Variants in ACO1 observed in about 807,000 individuals in gnomAD.
The protein encoded by ACO1 is cytoplasmic aconitate hydratase.
A neutral mutation model predicts 105.1 loss-of-function variants in ACO1; 78 were observed. The observed-to-expected ratio is 0.74, with a 90% CI of 0.62 to 0.90. The LOEUF (loss-of-function observed/expected upper bound fraction) is 0.90, where lower values mean the gene tolerates loss of function less well. ACO1 is among the 40% of genes least tolerant of loss of function. The probability of loss-of-function intolerance (pLI) is 0.00; values close to 1 mark genes in which losing one functional copy is unlikely to be tolerated. For synonymous variants in ACO1, 364 were observed against 397.4 expected (o/e 0.92, Z 1.00); for missense variants, 965 against 1,111.1 (o/e 0.87, Z 1.87).
intron 18 of ACO1, among the ~76,000 whole-genome samples, 158 bp downstream of exon 18, chr9:32,436,555 T>C (rs1421060091): frequency 1.3e-5 from 2 of 152,230 alleles, no homozygotes; most frequent in Admixed American, 1.3e-4. Context: ...ATGCATAGAA[T>C]GTATCATTGA....
chr9:32,407,238 ATTTT>A lies in ACO1; in HGVS notation c.98-22_98-19del. On this transcript the variant is annotated intron_variant, in intron 2 of 20. Coordinates refer to ENST00000309951, the MANE Select transcript of ACO1 (RefSeq NM_002197.3). ...TTAAGTTGTCTCACAGGTTTTGTTT[ATTTT>A]GTCATCCTTAACTCTTAGGGCGCTT... 1 of 1,611,174 alleles carries A rather than the reference ATTTT, an allele frequency of 6.2e-7. No individual in the cohort carries two copies. The highest frequency in any genetic ancestry group is 8.5e-7 in the Non-Finnish European group (1 of 1,178,170).
At chr9:32,433,265 G>C (rs929033123) in intron 15 of ACO1, among the ~76,000 whole-genome samples, 27 of 152,144 alleles carry the variant, frequency 1.8e-4, no homozygotes, top group African/African-American at 6.5e-4. Context: ...ACCAGGTCTT[G>C]CTTTGTCACC....
chr9:32,419,292 A>G, intron 7 of ACO1, 115 bp downstream of exon 7: 1 of 1,166,808 alleles, frequency 8.6e-7, no homozygotes, highest in East Asian at 2.8e-5. Context: ...AATGCAAGGA[A>G]ACAAGGTTGA....
chr9:32,443,216 A>G (rs1241942440), intron 19 of ACO1, among the ~76,000 whole-genome samples: 2 of 152,078 alleles, frequency 1.3e-5, no homozygotes, highest in Non-Finnish European at 2.9e-5. Flanking sequence ...TTATTAAGCC[A>G]TTTTCTGTCA....
intron 4 of ACO1, 137 bp downstream of exon 4, chr9:32,408,788 C>A: frequency 1.9e-6 from 2 of 1,030,358 alleles, no homozygotes; most frequent in Non-Finnish European, 2.7e-6. Flanking sequence ...ACTTCATATA[C>A]ATTTCGCAGT....
At chr9:32,394,713 T>C (rs1319028467) in intron 1 of ACO1, among the ~76,000 whole-genome samples, 1 of 152,200 alleles carries the variant, frequency 6.6e-6, no homozygotes, top group Non-Finnish European at 1.5e-5. Flanking sequence ...CATCCTTCTA[T>C]CCTGCTGCGG....
At chr9:32,418,654 G>GCCTA in intron 6 of ACO1, 143 bp downstream of exon 6, 1 of 960,770 alleles carries the variant, frequency 1.0e-6, no homozygotes, top group Non-Finnish European at 1.5e-6. Flanking sequence ...TTTTTCCAGT[G>GCCTA]CCTAGAGAAT....
intron 15 of ACO1, among the ~76,000 whole-genome samples, chr9:32,432,628 C>G (rs1822265015): frequency 6.6e-6 from 1 of 152,202 alleles, no homozygotes; most frequent in African/African-American, 2.4e-5. Context: ...CTGTCATTTG[C>G]TACCCAGTGT....
In ACO1 at chr9:32,453,515, G is replaced by A. The variant is rs955537654; in HGVS notation, c.*3404G>A. 1.6e-4 allele frequency: 25 copies of A among 152,198 alleles called. No homozygotes were observed. The highest frequency in any genetic ancestry group is 5.8e-4 in the African/African-American group (24 of 41,512). The allele number at this position is 152,198 out of a possible 1,614,324, so 9.4% of individuals were successfully genotyped here. On this transcript the variant is annotated 3_prime_UTR_variant, in exon 21 of 21. Coordinates refer to ENST00000309951, the MANE Select transcript of ACO1 (RefSeq NM_002197.3). Reference sequence around the variant, plus strand: ...ACCTTCTGTTGGCCTCTGCAGTAGAGTGGCCTCTTCTGGGCCCTTCCACAT... The same window carrying A: ...ACCTTCTGTTGGCCTCTGCAGTAGAATGGCCTCTTCTGGGCCCTTCCACAT...
At position 32,434,636 on chromosome 9, in the gene ACO1, C is replaced by G. The variant is rs1357659256; in HGVS notation, c.2034C>G (p.Asp678Glu). 1 of 1,613,982 alleles carries G rather than the reference C, an allele frequency of 6.2e-7. No individual in the cohort carries two copies. The highest frequency in any genetic ancestry group is 1.7e-5 in the Admixed American group (1 of 59,990). The part of the protein sequence containing the change: ...LLNLGDSVTT[D>E]HISPAGNIAR... ...ATTTGGGAGATTCGGTAACAACTGACCACATCTCCCCAGCTGGAAATATTG... is the reference window on the plus strand; with the variant it reads ...ATTTGGGAGATTCGGTAACAACTGAGCACATCTCCCCAGCTGGAAATATTG... Residue 678 changes from aspartate to glutamate, a missense_variant, in exon 17 of 21, where the codon GAC becomes GAG. Transcript: ENST00000309951.
At chr9:32,395,748 C>T (rs911507860) in intron 1 of ACO1, among the ~76,000 whole-genome samples, 7 of 152,230 alleles carry the variant, frequency 4.6e-5, no homozygotes, top group African/African-American at 1.7e-4. Flanking sequence ...TCTTTCTCAG[C>T]CTGTCTCTGG....
chr9:32,426,646 C>T (rs1269191938), intron 11 of ACO1, among the ~76,000 whole-genome samples: 7 of 152,176 alleles, frequency 4.6e-5, no homozygotes, highest in Admixed American at 4.6e-4. Flanking sequence ...CCTAAGCTTT[C>T]CTTGTCTGGT....
intron 4 of ACO1, among the ~76,000 whole-genome samples, chr9:32,409,135 G>A (rs915119562): frequency 2.6e-5 from 4 of 152,100 alleles, no homozygotes; most frequent in Admixed American, 6.6e-5. Flanking sequence ...CCTCTCCTCT[G>A]TTCCTGCCAA....
chr9:32,421,871 G>A (rs1438387849), intron 8 of ACO1, among the ~76,000 whole-genome samples: 1 of 152,234 alleles, frequency 6.6e-6, no homozygotes, highest in Admixed American at 6.5e-5. Context: ...GGACAGCCAT[G>A]GGAAGGGTTT....
chr9:32,396,583 A>C (rs1214300180), intron 1 of ACO1, among the ~76,000 whole-genome samples: 3 of 152,176 alleles, frequency 2.0e-5, no homozygotes, highest in Non-Finnish European at 4.4e-5. Flanking sequence ...TGGATTGCAC[A>C]GTGGCTGAAC....
chr9:32,392,621 G>A (rs1345574081), intron 1 of ACO1, among the ~76,000 whole-genome samples: 1 of 152,186 alleles, frequency 6.6e-6, no homozygotes, highest in African/African-American at 2.4e-5. Flanking sequence ...CAACATCTCA[G>A]TTCCCATCTT....
At chr9:32,435,694 T>A (rs1410660018) in intron 17 of ACO1, among the ~76,000 whole-genome samples, 1 of 152,200 alleles carries the variant, frequency 6.6e-6, no homozygotes, top group Non-Finnish European at 1.5e-5. Context: ...GTTCTGCCTC[T>A]TTAGCACTGC....
At position 32,390,305 on chromosome 9, in the gene ACO1, G is replaced by A. The variant is rs570811216; in HGVS notation, c.-23+5570G>A. The stretch of plus-strand genomic sequence containing the variant: ...TGAGGAGCCCCTGAACACTTGCTGC[G>A]CTATCCTGTTTCTCTACTTTGGTAT... On this transcript the variant is annotated intron_variant, in intron 1 of 20. Transcript: ENST00000309951. 1.6e-4 allele frequency among the ~76,000 whole-genome samples: 25 copies of A among 152,320 alleles called. 1 individual carries two copies. Among genetic ancestry groups the A allele is most frequent in the African/African-American group, 1.9e-4 (8 of 41,570 alleles).
At chr9:32,403,850 C>T (rs1295118921) in intron 1 of ACO1, among the ~76,000 whole-genome samples, 2 of 152,184 alleles carry the variant, frequency 1.3e-5, no homozygotes, top group African/African-American at 2.4e-5. Context: ...TCTGTTTTTC[C>T]AGGCAGGCAA....
Sources: gnomAD v4.1 joint callset for allele counts (sites outside exome capture counted in the v4.1 genomes callset) on GRCh38, gnomAD v4.1.1 for gene constraint, MANE v1.5 for transcripts, NCBI Gene and HGNC (gene_info 2026-07-23, HGNC 2026-07-21) for gene names.